The following MNX1 variants were observed in gnomAD, a reference collection of about 807,000 sequenced individuals.
MNX1 encodes motor neuron and pancreas homeobox 1.
In MNX1, 2 loss-of-function variants were observed where a neutral mutation model predicts 17.3. That is an observed-to-expected ratio of 0.12 (90% CI 0.05 to 0.36). The LOEUF is 0.36. MNX1 is among the 10% of genes least tolerant of loss of function. The pLI, the probability that MNX1 is intolerant of heterozygous loss-of-function variation, is 1.00. For missense variants in MNX1, 556 were observed against 564.7 expected (o/e 0.98, Z 0.16); for synonymous variants, 306 against 283.1 (o/e 1.08, Z -0.81).
In MNX1 at chr7:157,009,808, C is replaced by G; in HGVS notation, c.543G>C (p.Ala181=). ...GCACCTGCGGGTACGAGTAGGAGAG[C>G]GCCGGGTGCTGGCCCGCCAGCGCAG... The part of the protein sequence containing the change: ...AAAALAGQHP[A]LSYSYPQVQG... Residue 181 remains alanine, a synonymous_variant, in exon 1 of 3, where the codon GCG becomes GCC. Transcript: ENST00000252971. 2.6e-6 allele frequency: 4 copies of G among 1,544,630 alleles called. No homozygotes were observed. Among genetic ancestry groups the G allele is most frequent in the Non-Finnish European group, 3.5e-6 (4 of 1,152,342 alleles).
rs1805693907 is a variant in MNX1, at chr7:157,010,393, C to T, written c.-43G>A. On this transcript the variant is annotated 5_prime_UTR_variant, in exon 1 of 3. Transcript: ENST00000252971. ...GCGCTCAGGGCCCGGTGGCGGGCGA[C>T]GCGGCCGTGTGCGGGCTCGCGGAGT... 1.3e-6 allele frequency: 2 copies of T among 1,523,054 alleles called. No individual in the cohort carries two copies. Among genetic ancestry groups the T allele is most frequent in the Admixed American group, 1.8e-5 (1 of 54,356 alleles). 94.3% of individuals were successfully genotyped at this position (1,523,054 alleles called of 1,614,324 possible). A position where few individuals can be genotyped will look rare whatever the true frequency, so the allele number is the denominator to read the frequency against.
chr7:157,009,557 C>A, intron 1 of MNX1, 103 bp downstream of exon 1: 2 of 1,519,244 alleles, frequency 1.3e-6, no homozygotes, highest in Non-Finnish European at 1.8e-6. Flanking sequence ...CAGCTCTTCC[C>A]CCGCTCGCTG....
In MNX1 at chr7:157,005,747, C is replaced by A. The variant is rs761778005; in HGVS notation, c.979G>T (p.Glu327Ter). The A allele has an allele frequency of 1.9e-6, 3 of 1,609,370 alleles. No individual in the cohort carries two copies. Among genetic ancestry groups the A allele is most frequent in the South Asian group, 1.1e-5 (1 of 91,014 alleles). ...GGGAGKGGAE[E>*]PGAEELLGPP... ...CCCAGCAGCTCCTCGGCTCCCGGCT[C>A]CTCCGCGCCGCCCTTCCCCGCGCCC... The change falls in exon 3 of 3, where the codon GAG (glutamate) becomes TAG (stop). Residue 327 changes from glutamate (E) to a stop codon, truncating the protein, a stop_gained. Transcript: ENST00000252971. LOFTEE classifies it low-confidence loss of function (END_TRUNC).
rs1480905401 is a variant in MNX1 at position 157,005,483 on chromosome 7, G to A, written c.*37C>T. ...TCCGGGAGAAGCCGCCGGCCGGGGC[G>A]CTCCGTGCGCGCCGCACCTGCTGGG... On this transcript the variant is annotated 3_prime_UTR_variant, in exon 3 of 3. Coordinates refer to ENST00000252971, the MANE Select transcript of MNX1 (RefSeq NM_005515.4). The A allele has an allele frequency of 9.6e-6, 12 of 1,250,256 alleles. No individual in the cohort carries two copies. Among genetic ancestry groups the A allele is most frequent in the Non-Finnish European group, 1.1e-5 (11 of 1,000,254 alleles). 77.4% of individuals were successfully genotyped at this position (1,250,256 alleles called of 1,614,324 possible).
At position 157,005,454 on chromosome 7, in the gene MNX1, G is replaced by GGCCTCCGGGAGAA; in HGVS notation, c.*53_*65dup. ...CGGGCCGGGTGGGTGCGGGCGCCGG[G>GGCCTCCGGGAGAA]GCCTCCGGGAGAAGCCGCCGGCCGG... On this transcript the variant is annotated 3_prime_UTR_variant, in exon 3 of 3. Transcript: ENST00000252971. The GGCCTCCGGGAGAA allele has an allele frequency of 3.5e-6, 4 of 1,153,230 alleles. No homozygotes were observed. Among genetic ancestry groups the GGCCTCCGGGAGAA allele is most frequent in the Non-Finnish European group, 4.3e-6 (4 of 923,130 alleles). 71.4% of individuals were successfully genotyped at this position (1,153,230 alleles called of 1,614,324 possible).
chr7:157,008,291 GCTTT>G lies in MNX1; in HGVS notation c.691+1365_691+1368del, dbSNP rs1444308353. 4.6e-5 allele frequency: 7 copies of G among 152,444 alleles called. No homozygotes were observed. The East Asian group carries it at 1.2e-3, about 25-fold the overall frequency. The allele number at this position is 152,444 out of a possible 1,614,324, so 9.4% of individuals were successfully genotyped here. On this transcript the variant is annotated intron_variant, in intron 1 of 2. Coordinates refer to ENST00000252971, the MANE Select transcript of MNX1 (RefSeq NM_005515.4). ...CTGGGAAATGCAGGTCATATTGGTG[GCTTT>G]CTATCAGAAGGGATGGGCCCTGGGT...
chr7:157,009,588 G>A lies in MNX1; in HGVS notation c.691+72C>T, dbSNP rs181039225. On this transcript the variant is annotated intron_variant, in intron 1 of 2. Transcript: ENST00000252971. ...CGCTGGGAGCCAAGCGCAGAGAGGG[G>A]CAGGCGGTGCCGGTGGAGGATGCGC... 568 of 1,563,994 alleles carry A rather than the reference G, an allele frequency of 3.6e-4. 2 individuals are homozygous for A. The Middle Eastern group carries it at 4.1e-3, about 11-fold the overall frequency.
Position 157,006,384 on chromosome 7 carries a change from C to T in MNX1, c.852+95G>A. On this transcript the variant is annotated intron_variant, in intron 2 of 2. Transcript: ENST00000252971. This position sits in a 1 kb window ranked among gnomAD's most constrained non-coding sequence, Gnocchi z 6.3. ...CGCCGTCTGAACCGTCGAGGCGCAG[C>T]GCTAGATGCCTCAGACCGCCCGTGG... The T allele has an allele frequency of 7.2e-7, 1 of 1,385,390 alleles. No individual in the cohort carries two copies. The highest frequency in any genetic ancestry group is 9.8e-7 in the Non-Finnish European group (1 of 1,020,516). The allele number at this position is 1,385,390 out of a possible 1,614,324, so 85.8% of individuals were successfully genotyped here. A position where few individuals can be genotyped will look rare whatever the true frequency, so the allele number is the denominator to read the frequency against.
At chr7:157,008,190 C>T (rs1225988509) in intron 1 of MNX1, 1 of 152,190 alleles carries the variant, frequency 6.6e-6, no homozygotes, top group African/African-American at 2.4e-5. Context: ...CTCCAGAAAG[C>T]ACCCCTAGGA....
At position 157,010,291 on chromosome 7, in the gene MNX1, G is replaced by A. The variant is rs1305051277; in HGVS notation, c.60C>T (p.Ala20=). 2 of 1,570,932 alleles carry A rather than the reference G, an allele frequency of 1.3e-6. No individual in the cohort carries two copies. Among genetic ancestry groups the A allele is most frequent in the Admixed American group, 1.8e-5 (1 of 56,134 alleles). Residue 20 remains alanine (A), a synonymous_variant, in exon 1 of 3, where the codon GCC becomes GCT. Transcript: ENST00000252971. ...DALLAVDPPR[A]ASAQSAPLAL... is the part of the protein sequence containing the mutation. ...CCAGCGGCGCGCTCTGCGCAGAGGC[G>A]GCTCGTGGGGGGTCCACCGCCAGCA...
intron 1 of MNX1, chr7:157,008,980 T>C (rs757084352): frequency 6.5e-7 from 1 of 1,535,890 alleles, no homozygotes; most frequent in Non-Finnish European, 8.7e-7. Flanking sequence ...GGCCCCACCT[T>C]GGAGGGGCAT....
At position 157,009,805 on chromosome 7, in the gene MNX1, G is replaced by A; in HGVS notation, c.546C>T (p.Leu182=). The change falls in exon 1 of 3, where the codon CTC becomes CTT. Residue 182 remains leucine (L), a synonymous_variant. Transcript: ENST00000252971. ...AAALAGQHPA[L]SYSYPQVQGA... ...CTTGCACCTGCGGGTACGAGTAGGAGAGCGCCGGGTGCTGGCCCGCCAGCG... is the reference window on the plus strand; with the variant it reads ...CTTGCACCTGCGGGTACGAGTAGGAAAGCGCCGGGTGCTGGCCCGCCAGCG... 1.9e-6 allele frequency: 3 copies of A among 1,550,928 alleles called. No homozygotes were observed. The highest frequency in any genetic ancestry group is 4.8e-5 in the East Asian group (2 of 41,502).
intron 1 of MNX1, chr7:157,008,771 A>G (rs1327632885): frequency 6.8e-6 from 4 of 586,700 alleles, no homozygotes; most frequent in Non-Finnish European, 1.2e-5. Context: ...GGCCCGACTC[A>G]TAAGTAGCTG....
Position 157,005,484 on chromosome 7 carries a change from C to T in MNX1, c.*36G>A. On this transcript the variant is annotated 3_prime_UTR_variant, in exon 3 of 3. Transcript: ENST00000252971. ...CCGGGAGAAGCCGCCGGCCGGGGCG[C>T]TCCGTGCGCGCCGCACCTGCTGGGC... 1 of 1,258,428 alleles carries T rather than the reference C, an allele frequency of 7.9e-7. No homozygotes were observed. Among genetic ancestry groups the T allele is most frequent in the Non-Finnish European group, 9.9e-7 (1 of 1,006,014 alleles). 78.0% of individuals were successfully genotyped at this position (1,258,428 alleles called of 1,614,324 possible). A position where few individuals can be genotyped will look rare whatever the true frequency, so the allele number is the denominator to read the frequency against.
chr7:157,009,263 G>A (rs964731487), intron 1 of MNX1: 4 of 1,420,536 alleles, frequency 2.8e-6, no homozygotes, highest in Non-Finnish European at 2.7e-6. Flanking sequence ...CCCAGTGGGG[G>A]ACCTGGCCCA....
At chr7:157,009,111 C>A (rs894122583) in intron 1 of MNX1, 64 of 1,535,118 alleles carry the variant, frequency 4.2e-5, no homozygotes, top group Non-Finnish European at 3.6e-5. Flanking sequence ...AACGCCCTTC[C>A]AGAGGAGGGC....
chr7:157,009,224 C>A lies in MNX1; in HGVS notation c.691+436G>T. Reference sequence around the variant, plus strand: ...TGCTGCTCCTGAAGCACTCCCTCTCCCTGGAGGGGCCGCGGGTCTCTCTAA... The same window carrying A: ...TGCTGCTCCTGAAGCACTCCCTCTCACTGGAGGGGCCGCGGGTCTCTCTAA... On this transcript the variant is annotated intron_variant, in intron 1 of 2. Coordinates refer to ENST00000252971, the MANE Select transcript of MNX1 (RefSeq NM_005515.4). The A allele has an allele frequency of 1.6e-5, 23 of 1,437,080 alleles. No individual in the cohort carries two copies. The South Asian group carries it at 3.3e-4, about 21-fold the overall frequency. The allele number at this position is 1,437,080 out of a possible 1,614,324, so 89.0% of individuals were successfully genotyped here.
At position 157,010,379 on chromosome 7, in the gene MNX1, C is replaced by T. The variant is rs1586595427; in HGVS notation, c.-29G>A. 6.4e-7 allele frequency: 1 copy of T among 1,554,404 alleles called. No homozygotes were observed. The highest frequency in any genetic ancestry group is 8.7e-7 in the Non-Finnish European group (1 of 1,148,020). Reference sequence around the variant, plus strand: ...CTCGTTTGGGGCTGGCGCTCAGGGCCCGGTGGCGGGCGACGCGGCCGTGTG... The same window carrying T: ...CTCGTTTGGGGCTGGCGCTCAGGGCTCGGTGGCGGGCGACGCGGCCGTGTG... On this transcript the variant is annotated 5_prime_UTR_variant, in exon 1 of 3. Transcript: ENST00000252971.
chr7:157,009,655 C>G lies in MNX1; in HGVS notation c.691+5G>C. 1 of 1,608,872 alleles carries G rather than the reference C, an allele frequency of 6.2e-7. No homozygotes were observed. Among genetic ancestry groups the G allele is most frequent in the Non-Finnish European group, 8.5e-7 (1 of 1,179,034 alleles). ...GCGCATCCACGGGGGCCGCAGGGTA[C>G]TCACAGTTGAAGTCGGGCATCTTAG... On this transcript the variant is annotated splice_donor_5th_base_variant and intron_variant, in intron 1 of 2. Transcript: ENST00000252971.
Sources: gnomAD v4.1 joint callset for allele counts on GRCh38, gnomAD v4.1.1 for gene constraint, Gnocchi (gnomAD v3.1) non-coding constraint, MANE v1.5 for transcripts, NCBI Gene and HGNC (gene_info 2026-07-23, HGNC 2026-07-21) for gene names.